Variants in ADAMTSL1 observed in about 807,000 individuals in gnomAD.
ADAMTSL1 encodes ADAMTS like 1.
Under a neutral mutation model 201.8 loss-of-function variants are expected in ADAMTSL1, and 126 were observed. The observed-to-expected ratio is 0.62, with a 90% CI of 0.54 to 0.72. The LOEUF (loss-of-function observed/expected upper bound fraction) is 0.72, where lower values mean the gene tolerates loss of function less well. Ranked by LOEUF, ADAMTSL1 falls within the 30% of genes least tolerant of loss-of-function variation. ADAMTSL1 has a pLI of 0.00. For synonymous variants in ADAMTSL1, 1,121 were observed against 903.4 expected (o/e 1.24, Z -4.32); for missense variants, 2,679 against 2,277.8 (o/e 1.18, Z -3.59).
chr9:18,877,379 G>A (rs1158691186), intron 23 of ADAMTSL1, among the ~76,000 whole-genome samples: 1 of 152,060 alleles, frequency 6.6e-6, no homozygotes, highest in Non-Finnish European at 1.5e-5. Context: ...GAAGATCTGG[G>A]GCTCAAGGGC....
At chr9:18,272,083 G>C (rs1263245824) in intron 2 of ADAMTSL1, among the ~76,000 whole-genome samples, 4 of 151,768 alleles carry the variant, frequency 2.6e-5, no homozygotes, top group Non-Finnish European at 4.4e-5. Context: ...TTAGCCCTTT[G>C]TCAGATGAGT....
At chr9:17,906,816 T>C (rs1298139780) in exon 1 of ADAMTSL1, 1 of 152,100 alleles carries the variant, frequency 6.6e-6, no homozygotes. Context: ...AGACTCCCCT[T>C]GGTCCCCGCC....
At position 18,063,911 on chromosome 9, in the gene ADAMTSL1, A is replaced by C. The variant is rs532555912; in HGVS notation, c.88-99951A>C. Among the ~76,000 whole-genome samples the C allele has an allele frequency of 3.5e-4, 54 of 152,258 alleles. 1 individual carries two copies. The highest frequency in any genetic ancestry group is 2.8e-3 in the Admixed American group (43 of 15,288). On this transcript the variant is annotated intron_variant, in intron 1 of 29. Transcript: ENST00000680146. ...TTTATGAGTGGGTGTTCTGCACCAG[A>C]GCCAGCTTCCAATTTCCGTGCCGGT...
intron 2 of ADAMTSL1, among the ~76,000 whole-genome samples, chr9:18,197,909 G>T (rs151101858): frequency 1.3e-5 from 2 of 151,954 alleles, no homozygotes; most frequent in African/African-American, 4.8e-5. Context: ...CCAAAACAGA[G>T]ATATAGATCA....
intron 16 of ADAMTSL1, among the ~76,000 whole-genome samples, chr9:18,768,327 C>G (rs1820481156): frequency 6.6e-6 from 1 of 152,102 alleles, no homozygotes; most frequent in South Asian, 2.1e-4. Flanking sequence ...TGAGTTTGGA[C>G]TTTTTCTCCA....
chr9:18,050,124 C>A (rs1432471059), intron 1 of ADAMTSL1, among the ~76,000 whole-genome samples: 1 of 152,080 alleles, frequency 6.6e-6, no homozygotes, highest in Middle Eastern at 3.2e-3. Context: ...TAGTATAATA[C>A]TGAATAAAAA....
At chr9:18,628,206 C>G (rs1476684466) in intron 5 of ADAMTSL1, among the ~76,000 whole-genome samples, 2 of 151,722 alleles carry the variant, frequency 1.3e-5, no homozygotes, top group Admixed American at 1.3e-4. Flanking sequence ...TCCGTGTTTT[C>G]TTGCAGAAAT....
chr9:18,141,077 C>G (rs1766515237), intron 1 of ADAMTSL1, among the ~76,000 whole-genome samples: 1 of 152,152 alleles, frequency 6.6e-6, no homozygotes, highest in Non-Finnish European at 1.5e-5. Context: ...CTTGGAAATT[C>G]TCACATTTTT....
chr9:18,590,642 T>C (rs1343676688), intron 4 of ADAMTSL1, among the ~76,000 whole-genome samples: 1 of 152,086 alleles, frequency 6.6e-6, no homozygotes, highest in Non-Finnish European at 1.5e-5. Flanking sequence ...TGTTTTGATA[T>C]AAGCATTTAT....
chr9:18,012,255 T>A (rs1433146198), intron 1 of ADAMTSL1, among the ~76,000 whole-genome samples: 1 of 151,982 alleles, frequency 6.6e-6, no homozygotes, highest in Non-Finnish European at 1.5e-5. Flanking sequence ...ATGGCCCACA[T>A]CTGACCACCA....
At chr9:18,719,843 G>A (rs1833226615) in intron 14 of ADAMTSL1, among the ~76,000 whole-genome samples, 1 of 152,160 alleles carries the variant, frequency 6.6e-6, no homozygotes, top group South Asian at 2.1e-4. Context: ...GAGAAACACA[G>A]CATACGTGGG....
intron 2 of ADAMTSL1, among the ~76,000 whole-genome samples, chr9:18,259,509 CAA>C (rs113141517): frequency 7.0e-4 from 87 of 124,338 alleles, no homozygotes; most frequent in African/African-American, 1.5e-3. Flanking sequence ...AACTCTGTCT[CAA>C]AAAAAAAAAA....
intron 2 of ADAMTSL1, among the ~76,000 whole-genome samples, chr9:18,291,710 C>T (rs951251563): frequency 4.5e-5 from 6 of 134,124 alleles, no homozygotes; most frequent in South Asian, 2.4e-4. Flanking sequence ...CTCTCTCTCT[C>T]TCTCTTTCTC....
intron 1 of ADAMTSL1, among the ~76,000 whole-genome samples, chr9:18,148,121 A>C (rs187793157): frequency 3.9e-5 from 6 of 152,234 alleles, no homozygotes; most frequent in Admixed American, 3.9e-4. Context: ...AAACCCTAGA[A>C]ACATAGTAAT....
chr9:18,649,501 C>T lies in ADAMTSL1; in HGVS notation c.835-8138C>T, dbSNP rs1036240847. On this transcript the variant is annotated intron_variant, in intron 7 of 28. Transcript: ENST00000380548. ...GTTTCCAGTTTTTCTGCTCTGTTTTCTCCCCATCTTTGTGGTTTTATCTAC... is the reference window on the plus strand; with the variant it reads ...GTTTCCAGTTTTTCTGCTCTGTTTTTTCCCCATCTTTGTGGTTTTATCTAC... 4.6e-5 allele frequency among the ~76,000 whole-genome samples: 7 copies of T among 151,898 alleles called. No individual in the cohort carries two copies. The East Asian group carries it at 5.8e-4, about 13-fold the overall frequency.
intron 1 of ADAMTSL1, among the ~76,000 whole-genome samples, chr9:18,059,163 G>C (rs138472897): frequency 1.3e-5 from 2 of 152,082 alleles, no homozygotes; most frequent in Admixed American, 1.3e-4. Context: ...TCACAGACAC[G>C]AACTCCTGGT....
intron 2 of ADAMTSL1, among the ~76,000 whole-genome samples, chr9:18,281,255 T>G (rs529861684): frequency 3.3e-5 from 5 of 151,904 alleles, no homozygotes; most frequent in Non-Finnish European, 5.9e-5. Flanking sequence ...CAAATTGCAA[T>G]GGGAAGGGGA....
At chr9:18,436,032 A>T (rs1030584835) in intron 2 of ADAMTSL1, among the ~76,000 whole-genome samples, 1 of 152,206 alleles carries the variant, frequency 6.6e-6, no homozygotes, top group Non-Finnish European at 1.5e-5. Context: ...GTGTTTAAAC[A>T]GATAATTTTG....
intron 5 of ADAMTSL1, among the ~76,000 whole-genome samples, chr9:18,631,920 G>A (rs1826802998): frequency 6.6e-6 from 1 of 152,108 alleles, no homozygotes; most frequent in Admixed American, 6.6e-5. Flanking sequence ...TAGAATTGTT[G>A]ATTAATAAGC....
Sources: gnomAD v4.1 joint callset for allele counts (sites outside exome capture counted in the v4.1 genomes callset) on GRCh38, gnomAD v4.1.1 for gene constraint, MANE v1.5 for transcripts, NCBI Gene and HGNC (gene_info 2026-07-23, HGNC 2026-07-21) for gene names.